The following TSC22D4 variants were observed in gnomAD, a reference collection of about 807,000 sequenced individuals.
TSC22D4 encodes TSC22 domain family protein 4.
A neutral mutation model predicts 24.9 loss-of-function variants in TSC22D4; 5 were observed. The ratio of observed to expected loss-of-function variants is 0.20; its 90% CI spans 0.10 to 0.42. TSC22D4 has a LOEUF of 0.42. TSC22D4 is among the 10% of genes least tolerant of loss of function. The probability of loss-of-function intolerance (pLI) is 1.00; values close to 1 mark genes in which losing one functional copy is unlikely to be tolerated. For missense variants in TSC22D4, 469 were observed against 547.9 expected (o/e 0.86, Z 1.44); for synonymous variants, 245 against 243.2 (o/e 1.01, Z -0.07).
chr7:100,466,868 C>T lies in TSC22D4; in HGVS notation c.*91G>A, dbSNP rs1202164588. 5 of 1,283,716 alleles carry T rather than the reference C, an allele frequency of 3.9e-6. No homozygotes were observed. Among genetic ancestry groups the T allele is most frequent in the Non-Finnish European group, 5.3e-6 (5 of 944,746 alleles). 79.5% of individuals were successfully genotyped at this position (1,283,716 alleles called of 1,614,324 possible). ...GAGCCTTGAACTCCCACCCCGGGGA[C>T]ACGGGGACATTAAAGCTGCATAGGA... On this transcript the variant is annotated 3_prime_UTR_variant, in exon 5 of 5. Coordinates refer to ENST00000300181, the MANE Select transcript of TSC22D4 (RefSeq NM_030935.5).
intron 3 of TSC22D4, chr7:100,473,980 T>C: frequency 2.9e-6 from 1 of 342,664 alleles, no homozygotes; most frequent in South Asian, 3.3e-5. Context: ...CCAGATGATC[T>C]CTAAATCTGC....
chr7:100,475,676 G>C (rs868763327), intron 2 of TSC22D4, among the ~76,000 whole-genome samples: 23 of 151,940 alleles, frequency 1.5e-4, no homozygotes, highest in East Asian at 9.7e-4. Context: ...CCTAGGGTTG[G>C]GGGGGGAGCT....
intron 3 of TSC22D4, among the ~76,000 whole-genome samples, chr7:100,472,968 T>C (rs1489662666): frequency 1.3e-5 from 2 of 151,830 alleles, no homozygotes; most frequent in African/African-American, 4.8e-5. Context: ...GTCCCTCCCC[T>C]TGAAAACCTC....
chr7:100,478,018 C>T lies in TSC22D4; in HGVS notation c.21G>A (p.Lys7=), dbSNP rs1584353941. MSGGKK[K]SSFQITSVTT... is the part of the protein sequence containing the mutation. ...TGACGCTGGTGATTTGGAAACTACT[C>T]TTCTTCTTGCCCCCGCTCATGGTCC... The change falls in exon 2 of 5, where the codon AAG becomes AAA. Residue 7 remains lysine, a synonymous_variant. Transcript: ENST00000300181. 1.3e-6 allele frequency: 2 copies of T among 1,592,744 alleles called. No homozygotes were observed. The highest frequency in any genetic ancestry group is 2.3e-5 in the East Asian group (1 of 44,194).
Position 100,478,130 on chromosome 7 carries a change from G to T in TSC22D4, c.-92C>A. On this transcript the variant is annotated 5_prime_UTR_variant, in exon 2 of 5. Coordinates refer to ENST00000300181, the MANE Select transcript of TSC22D4 (RefSeq NM_030935.5). The stretch of plus-strand genomic sequence containing the variant: ...ACCCCTGGAACAAGGGGGCCACATG[G>T]CGGGGACATCCGAGCCCCTGGGGAC... 8.7e-7 allele frequency: 1 copy of T among 1,155,482 alleles called. No individual in the cohort carries two copies. The allele number at this position is 1,155,482 out of a possible 1,614,324, so 71.6% of individuals were successfully genotyped here. A position where few individuals can be genotyped will look rare whatever the true frequency, so the allele number is the denominator to read the frequency against.
chr7:100,474,386 C>T lies in TSC22D4; in HGVS notation c.817G>A (p.Ala273Thr), dbSNP rs760950447. 1.2e-6 allele frequency: 2 copies of T among 1,613,922 alleles called. No individual in the cohort carries two copies. Among genetic ancestry groups the T allele is most frequent in the African/African-American group, 1.3e-5 (1 of 74,886 alleles). ...TCTGGAGATTTGTGAACCAGGCTGG[C>T]ATCGTGGGTGAAGTAGAGGGCTGGG... ...SSPALYFTHD[A>T]SLVHKSPDPF... The change falls in exon 3 of 5, where the codon GCC becomes ACC. Residue 273 changes from alanine (A) to threonine (T), a missense_variant. Physicochemically the swap from Ala to Thr is moderately conservative, Grantham distance 58. Transcript: ENST00000300181. This position sits in a 1 kb window ranked among gnomAD's most constrained non-coding sequence, Gnocchi z 4.3.
chr7:100,471,277 C>A (rs1449353145), intron 3 of TSC22D4, among the ~76,000 whole-genome samples: 1 of 152,066 alleles, frequency 6.6e-6, no homozygotes, highest in Non-Finnish European at 1.5e-5. Context: ...GAGAGCTGTA[C>A]CTGACTGTCC....
chr7:100,477,180 G>A lies in TSC22D4; in HGVS notation c.762+97C>T. ...GGGCTATCTGATCTTATAAAGTGAT[G>A]GAGAAGGAGGAGGAGAGGGGGGGGA... On this transcript the variant is annotated intron_variant, in intron 2 of 4. Coordinates refer to ENST00000300181, the MANE Select transcript of TSC22D4 (RefSeq NM_030935.5). The surrounding 1 kb of genome is among the most constrained non-coding windows in gnomAD (Gnocchi z 7.8). The A allele has an allele frequency of 1.9e-6, 2 of 1,063,044 alleles. 1 individual carries two copies. The highest frequency in any genetic ancestry group is 5.4e-4 in the Middle Eastern group (2 of 3,724). The allele number at this position is 1,063,044 out of a possible 1,614,324, so 65.9% of individuals were successfully genotyped here.
intron 3 of TSC22D4, among the ~76,000 whole-genome samples, chr7:100,471,114 G>A (rs1259237964): frequency 1.3e-5 from 2 of 152,116 alleles, no homozygotes; most frequent in African/African-American, 4.8e-5. Context: ...ACTCTCCAGT[G>A]GGTTCAGGGG....
At position 100,474,492 on chromosome 7, in the gene TSC22D4, C is replaced by A. The variant is rs1353566359; in HGVS notation, c.763-52G>T. ...ACATGAAAAGAGAAAAGAAAGGAACCAGCTGCCTTAAAACTTGCCTATTAG... is the reference window on the plus strand; with the variant it reads ...ACATGAAAAGAGAAAAGAAAGGAACAAGCTGCCTTAAAACTTGCCTATTAG... On this transcript the variant is annotated intron_variant, in intron 2 of 4. Transcript: ENST00000300181. The surrounding 1 kb of genome is among the most constrained non-coding windows in gnomAD (Gnocchi z 4.3). The A allele has an allele frequency of 1.2e-6, 2 of 1,604,676 alleles. No individual in the cohort carries two copies. Among genetic ancestry groups the A allele is most frequent in the Non-Finnish European group, 1.7e-6 (2 of 1,175,220 alleles).
chr7:100,477,046 CAG>C lies in TSC22D4; in HGVS notation c.762+229_762+230del, dbSNP rs1584352685. 6.6e-6 allele frequency among the ~76,000 whole-genome samples: 1 copy of C among 152,054 alleles called. No individual in the cohort carries two copies. The highest frequency in any genetic ancestry group is 6.6e-5 in the Admixed American group (1 of 15,250). ...CTACATGAAGACCAAGACAGAGAATCAGAGGCCAGGGAGAAAGAGAGAGGGTG... is the reference window on the plus strand; with the variant it reads ...CTACATGAAGACCAAGACAGAGAATCAGGCCAGGGAGAAAGAGAGAGGGTG... On this transcript the variant is annotated intron_variant, in intron 2 of 4. Coordinates refer to ENST00000300181, the MANE Select transcript of TSC22D4 (RefSeq NM_030935.5). The surrounding 1 kb of genome is among the most constrained non-coding windows in gnomAD (Gnocchi z 7.8).
intron 3 of TSC22D4, among the ~76,000 whole-genome samples, chr7:100,472,380 C>A (rs949697465): frequency 4.1e-5 from 5 of 122,116 alleles, no homozygotes; most frequent in Non-Finnish European, 8.3e-5. Context: ...GGCTGGGAAC[C>A]GGACCGGTCA....
intron 3 of TSC22D4, chr7:100,473,881 C>T: frequency 6.1e-6 from 1 of 163,130 alleles, no homozygotes; most frequent in East Asian, 1.7e-4. Context: ...CCTCCCAAAG[C>T]ACTATGAGTA....
At position 100,477,463 on chromosome 7, in the gene TSC22D4, C is replaced by A. The variant is rs1367167535; in HGVS notation, c.576G>T (p.Gln192His). 3.2e-6 allele frequency: 5 copies of A among 1,557,466 alleles called. No individual in the cohort carries two copies. In the South Asian group the frequency reaches 6.0e-5, roughly 19 times the overall value. ...EKPPLSASSP[Q>H]QRPPEPETGE... is the part of the protein sequence containing the mutation. The stretch of plus-strand genomic sequence containing the variant: ...CGGTCTCAGGCTCTGGGGGGCGCTG[C>A]TGGGGTGAGGAGGCCGACAGTGGGG... Residue 192 changes from glutamine (Q) to histidine (H), a missense_variant, in exon 2 of 5, where the codon CAG (glutamine) becomes CAT (histidine). Physicochemically the swap from Gln to His is conservative, Grantham distance 24. Coordinates refer to ENST00000300181, the MANE Select transcript of TSC22D4 (RefSeq NM_030935.5). The surrounding 1 kb of genome is among the most constrained non-coding windows in gnomAD (Gnocchi z 7.8).
At position 100,474,332 on chromosome 7, in the gene TSC22D4, ACTT is replaced by A. The variant is rs1271308305; in HGVS notation, c.868_870del (p.Lys290del). 3 of 1,613,948 alleles carry A rather than the reference ACTT, an allele frequency of 1.9e-6. No homozygotes were observed. The highest frequency in any genetic ancestry group is 1.7e-5 in the Admixed American group (1 of 59,978). On this transcript the variant is annotated inframe_deletion, in exon 3 of 5. Transcript: ENST00000300181. This position sits in a 1 kb window ranked among gnomAD's most constrained non-coding sequence, Gnocchi z 4.3. ...GCCAACATGGAGTGGGCCAGGCTGAACTTCTGAGCTGCTACTGCTCCGAAGGGG... is the reference window on the plus strand; with the variant it reads ...GCCAACATGGAGTGGGCCAGGCTGAACTGAGCTGCTACTGCTCCGAAGGGG...
At chr7:100,470,629 A>G (rs570427940) in intron 3 of TSC22D4, among the ~76,000 whole-genome samples, 1 of 152,150 alleles carries the variant, frequency 6.6e-6, no homozygotes, top group South Asian at 2.1e-4. Flanking sequence ...TCTAACACAC[A>G]CTTCAAGGGA....
Position 100,474,265 on chromosome 7 carries a change from C to A in TSC22D4, c.929+9G>T. On this transcript the variant is annotated intron_variant, in intron 3 of 4. Transcript: ENST00000300181. This position sits in a 1 kb window ranked among gnomAD's most constrained non-coding sequence, Gnocchi z 4.3. ...CCCCACGCCCCACCACCCCACGAAGCCCACCTACCTATCATCGTCGCTGTC... is the reference window on the plus strand; with the variant it reads ...CCCCACGCCCCACCACCCCACGAAGACCACCTACCTATCATCGTCGCTGTC... 2 of 1,612,696 alleles carry A rather than the reference C, an allele frequency of 1.2e-6. No homozygotes were observed. The highest frequency in any genetic ancestry group is 1.7e-6 in the Non-Finnish European group (2 of 1,178,896).
Position 100,467,583 on chromosome 7 carries a change from A to G in TSC22D4, c.947T>C (p.Val316Ala). 6.2e-7 allele frequency: 1 copy of G among 1,614,112 alleles called. No homozygotes were observed. Among genetic ancestry groups the G allele is most frequent in the Non-Finnish European group, 8.5e-7 (1 of 1,179,982 alleles). ...SDDDSGSGSL[V>A]GIDNKIEQAM... is the part of the protein sequence containing the mutation. Reference sequence around the variant, plus strand: ...TTGCTCGATTTTGTTGTCAATGCCAACCAGGCTTCCGGAGCCACTGGAGAG... The same window carrying G: ...TTGCTCGATTTTGTTGTCAATGCCAGCCAGGCTTCCGGAGCCACTGGAGAG... The change falls in exon 4 of 5, where the codon GTT becomes GCT. Residue 316 changes from valine to alanine, a missense_variant. Transcript: ENST00000300181.
intron 3 of TSC22D4, chr7:100,468,042 G>A (rs976827112): frequency 2.3e-6 from 1 of 436,622 alleles, no homozygotes; most frequent in African/African-American, 2.1e-5. Flanking sequence ...AGCAGGGTCT[G>A]GCTGGTGCCA....
Sources: gnomAD v4.1 joint callset for allele counts (sites outside exome capture counted in the v4.1 genomes callset) on GRCh38, gnomAD v4.1.1 for gene constraint, Gnocchi (gnomAD v3.1) non-coding constraint, MANE v1.5 for transcripts, NCBI Gene and HGNC (gene_info 2026-07-23, HGNC 2026-07-21) for gene names.